Variants in ZFYVE9 observed in about 807,000 individuals in gnomAD.
ZFYVE9 encodes zinc finger FYVE domain-containing protein 9.
Under a neutral mutation model 126.7 loss-of-function variants are expected in ZFYVE9, and 43 were observed. The ratio of observed to expected loss-of-function variants is 0.34; its 90% CI spans 0.27 to 0.44. The LOEUF is 0.44. Ranked by LOEUF, ZFYVE9 falls within the 20% of genes least tolerant of loss-of-function variation. The pLI, the probability that ZFYVE9 is intolerant of heterozygous loss-of-function variation, is 1.00. For missense variants in ZFYVE9, 1,476 were observed against 1,697.0 expected, an observed-to-expected ratio of 0.87 and a Z score of 2.29; for synonymous variants, 521 against 597.4, an observed-to-expected ratio of 0.87 and a Z score of 1.87.
intron 1 of ZFYVE9, among the ~76,000 whole-genome samples, chr1:52,171,680 A>G (rs1247351674): frequency 2.0e-5 from 3 of 151,988 alleles, no homozygotes; most frequent in Non-Finnish European, 4.4e-5. Flanking sequence ...TGACTTTTTA[A>G]TGATCGCCAT....
intron 10 of ZFYVE9, among the ~76,000 whole-genome samples, chr1:52,283,886 A>T (rs967021879): frequency 5.3e-5 from 8 of 152,340 alleles, no homozygotes; most frequent in African/African-American, 1.9e-4. Context: ...ATTTTTTAAA[A>T]AGATATTGCA....
intron 10 of ZFYVE9, among the ~76,000 whole-genome samples, chr1:52,290,269 A>G (rs891134125): frequency 2.0e-5 from 3 of 152,198 alleles, no homozygotes; most frequent in African/African-American, 7.2e-5. Context: ...GGGCATGTGT[A>G]TAAGGGAGGG....
rs925702512 is a variant in ZFYVE9 at position 52,238,418 on chromosome 1, G to A, written c.1001G>A (p.Arg334Gln). The A allele has an allele frequency of 5.0e-6, 8 of 1,613,866 alleles. No homozygotes were observed. The highest frequency in any genetic ancestry group is 2.7e-5 in the African/African-American group (2 of 74,884). The change falls in exon 4 of 19, where the codon CGG becomes CAG. Residue 334 changes from arginine (R) to glutamine (Q), a missense_variant. Arg to Gln is a conservative substitution (Grantham distance 43). Coordinates refer to ENST00000287727, the MANE Select transcript of ZFYVE9 (RefSeq NM_004799.4). ...AEESTTEESL[R>Q]SGLPLLLKPD... ...GAGAGCACCACTGAAGAATCCCTCC[G>A]GTCTGGTTTACCTTTGCTTCTCAAA...
At chr1:52,220,767 A>G (rs78520386) in intron 2 of ZFYVE9, among the ~76,000 whole-genome samples, 1,878 of 152,046 alleles carry the variant, frequency 0.012, 33 homozygotes, top group African/African-American at 0.043. Context: ...CTGAGCTCCT[A>G]TTTTCTTTAG....
At chr1:52,202,573 G>A (rs1478800297) in intron 1 of ZFYVE9, among the ~76,000 whole-genome samples, 1 of 151,868 alleles carries the variant, frequency 6.6e-6, no homozygotes. Flanking sequence ...GAGCCACTGT[G>A]CCTGGCCCAG....
At chr1:52,167,651 T>C (rs189426336) in intron 1 of ZFYVE9, among the ~76,000 whole-genome samples, 84 of 152,222 alleles carry the variant, frequency 5.5e-4, no homozygotes, top group African/African-American at 1.9e-3. Flanking sequence ...AAACACCTCA[T>C]CAGAAAGCAC....
chr1:52,229,887 A>G (rs1230768112), intron 2 of ZFYVE9, among the ~76,000 whole-genome samples: 5 of 144,404 alleles, frequency 3.5e-5, no homozygotes, highest in Admixed American at 1.4e-4. Context: ...TTTTTTTTGG[A>G]GACGGAGTCT....
intron 1 of ZFYVE9, among the ~76,000 whole-genome samples, chr1:52,214,786 A>G (rs867686470): frequency 1.2e-4 from 18 of 152,190 alleles, no homozygotes; most frequent in African/African-American, 4.3e-4. Context: ...TGGTGGTGTC[A>G]TTCTGAGACT....
intron 1 of ZFYVE9, among the ~76,000 whole-genome samples, chr1:52,174,404 G>T (rs1352774775): frequency 6.6e-6 from 1 of 152,056 alleles, no homozygotes; most frequent in African/African-American, 2.4e-5. Context: ...TACATTTGCT[G>T]AGGAGAGCTT....
chr1:52,191,627 T>C (rs1321298545), intron 1 of ZFYVE9, among the ~76,000 whole-genome samples: 2 of 152,226 alleles, frequency 1.3e-5, no homozygotes, highest in African/African-American at 2.4e-5. Context: ...CATTTGAAAG[T>C]AGGGAAACTG....
chr1:52,302,498 C>G (rs984458308), intron 12 of ZFYVE9, among the ~76,000 whole-genome samples: 2 of 152,116 alleles, frequency 1.3e-5, no homozygotes, highest in Non-Finnish European at 2.9e-5. Flanking sequence ...CACTTGTAAT[C>G]CCAGCATTTT....
intron 1 of ZFYVE9, among the ~76,000 whole-genome samples, chr1:52,153,012 C>G (rs1056397006): frequency 6.6e-6 from 1 of 152,140 alleles, no homozygotes; most frequent in African/African-American, 2.4e-5. Context: ...CACATATTGC[C>G]TGTTAGAGGA....
Position 52,263,767 on chromosome 1 carries a change from C to A in ZFYVE9, c.2179-6C>A, listed in dbSNP as rs769641399. The stretch of plus-strand genomic sequence containing the variant: ...TTGTGTGTTCTTCCCCCCCCCCCCC[C>A]CACAGGTTTTCTGTGCTTCCTGCTG... On this transcript the variant is annotated splice_polypyrimidine_tract_variant and splice_region_variant and intron_variant, in intron 4 of 18. Coordinates refer to ENST00000287727, the MANE Select transcript of ZFYVE9 (RefSeq NM_004799.4). 1,543 of 1,230,640 alleles carry A rather than the reference C, an allele frequency of 1.3e-3. 3 individuals carry two copies. The highest frequency in any genetic ancestry group is 6.3e-3 in the African/African-American group (311 of 49,100). 76.2% of individuals were successfully genotyped at this position (1,230,640 alleles called of 1,614,324 possible).
At chr1:52,258,382 T>C (rs181822487) in intron 4 of ZFYVE9, among the ~76,000 whole-genome samples, 1 of 152,260 alleles carries the variant, frequency 6.6e-6, no homozygotes, top group African/African-American at 2.4e-5. Flanking sequence ...ATATGGAATA[T>C]AGTGGGGTAT....
intron 1 of ZFYVE9, among the ~76,000 whole-genome samples, chr1:52,189,733 C>T (rs1469959313): frequency 6.6e-6 from 1 of 151,690 alleles, no homozygotes; most frequent in East Asian, 1.9e-4. Flanking sequence ...AGTGCAAGTC[C>T]ACAAAGATTT....
At chr1:52,149,421 A>G (rs994256610) in intron 1 of ZFYVE9, among the ~76,000 whole-genome samples, 2 of 152,002 alleles carry the variant, frequency 1.3e-5, no homozygotes, top group Non-Finnish European at 2.9e-5. Context: ...AGAAAAGGCA[A>G]TTGTAATGCC....
At chr1:52,278,732 T>TC in intron 9 of ZFYVE9, 118 bp downstream of exon 9, 19 of 270,924 alleles carry the variant, frequency 7.0e-5, no homozygotes, top group Admixed American at 1.8e-4. Flanking sequence ...TTTTTTTTTC[T>TC]TTTTTTTTTT....
intron 13 of ZFYVE9, among the ~76,000 whole-genome samples, chr1:52,321,807 A>G (rs996863224): frequency 6.6e-6 from 1 of 152,064 alleles, no homozygotes; most frequent in Non-Finnish European, 1.5e-5. Flanking sequence ...TCGTAATTTA[A>G]TTTCTATCTC....
At chr1:52,201,412 C>G (rs960661100) in intron 1 of ZFYVE9, among the ~76,000 whole-genome samples, 5 of 124,062 alleles carry the variant, frequency 4.0e-5, no homozygotes, top group Non-Finnish European at 6.3e-5. Flanking sequence ...GAGTCTTGCT[C>G]TGTCTCCAGG....
Sources: allele counts gnomAD v4.1 joint callset (sites outside exome capture counted in the v4.1 genomes callset), GRCh38; gene constraint gnomAD v4.1.1; transcripts MANE v1.5; gene names NCBI Gene and HGNC (gene_info 2026-07-23, HGNC 2026-07-21).